The following PDE1C variants were observed in gnomAD, a reference collection of about 807,000 sequenced individuals.
The protein encoded by PDE1C is dual specificity calcium/calmodulin-dependent 3',5'-cyclic nucleotide phosphodiesterase 1C.
Under a neutral mutation model 93.1 loss-of-function variants are expected in PDE1C, and 62 were observed. The ratio of observed to expected loss-of-function variants is 0.67; its 90% CI spans 0.54 to 0.82. The LOEUF (loss-of-function observed/expected upper bound fraction) is 0.82. Ranked by LOEUF, PDE1C falls within the 40% of genes least tolerant of loss-of-function variation. The probability of loss-of-function intolerance (pLI) is 0.00; values close to 1 mark genes in which losing one functional copy is unlikely to be tolerated. For synonymous variants in PDE1C, 325 were observed against 310.1 expected (o/e 1.05, Z -0.50); for missense variants, 742 against 884.6 (o/e 0.84, Z 2.04).
At chr7:32,237,026 C>CA (rs1480597360) in intron 1 of PDE1C, among the ~76,000 whole-genome samples, 6 of 145,148 alleles carry the variant, frequency 4.1e-5, no homozygotes, top group Admixed American at 1.4e-4. Flanking sequence ...TATTCTGAGT[C>CA]AAAAAAAAGT....
At position 31,775,731 on chromosome 7, in the gene PDE1C, G is replaced by T; in HGVS notation, c.1893C>A (p.Gly631=). The change falls in exon 17 of 18, where the codon GGC becomes GGA. Residue 631 remains glycine, a splice_region_variant and synonymous_variant. Coordinates refer to ENST00000396191, the MANE Select transcript of PDE1C (RefSeq NM_001191057.4). The part of the protein sequence containing the change: ...NIGNDSKKTD[G]TKQRSHGSPA... ...GTGAGCCGTGAGAACGCTGTTTTGT[G>T]CCTGTGAAGAGGAAAAAGAGGATAA... 1 of 1,612,568 alleles carries T rather than the reference G, an allele frequency of 6.2e-7. No individual in the cohort carries two copies. The highest frequency in any genetic ancestry group is 8.5e-7 in the Non-Finnish European group (1 of 1,179,590).
Position 31,757,203 on chromosome 7 carries a change from T to G in PDE1C, c.1961-3650A>C, listed in dbSNP as rs558795087. Among the ~76,000 whole-genome samples, 4 of 152,304 alleles carry G rather than the reference T, an allele frequency of 2.6e-5. No individual in the cohort carries two copies. In the South Asian group the frequency reaches 8.3e-4, roughly 32 times the overall value. ...GTGTTAAATGAAAAAGCAGGATATA[T>G]TATCTAACCTCATTACTAGAAAATA... On this transcript the variant is annotated intron_variant, in intron 17 of 17. Coordinates refer to ENST00000396191, the MANE Select transcript of PDE1C (RefSeq NM_001191057.4).
intron 2 of PDE1C, among the ~76,000 whole-genome samples, chr7:32,005,555 CA>C (rs59246166): frequency 7.5e-4 from 38 of 50,760 alleles, no homozygotes; most frequent in South Asian, 3.5e-3. Context: ...GACTCCATTT[CA>C]AAAAAAAAAA....
At chr7:32,255,299 T>A (rs1357928266) in intron 1 of PDE1C, among the ~76,000 whole-genome samples, 1 of 152,076 alleles carries the variant, frequency 6.6e-6, no homozygotes, top group Admixed American at 6.5e-5. Flanking sequence ...CTTCCCTCTC[T>A]CACTGAGAGA....
intron 1 of PDE1C, among the ~76,000 whole-genome samples, chr7:32,396,004 T>C (rs1165564118): frequency 1.3e-5 from 2 of 152,168 alleles, no homozygotes; most frequent in South Asian, 2.1e-4. Flanking sequence ...AATTTAAAAG[T>C]GAACGCAATC....
the PDE1C span, among the ~76,000 whole-genome samples, chr7:31,626,065 A>T: frequency 6.6e-6 from 1 of 152,218 alleles, no homozygotes; most frequent in Non-Finnish European, 1.5e-5. Context: ...TGATTCTAAA[A>T]TCAAAGAACA....
chr7:32,080,155 G>C (rs1005743226), intron 3 of PDE1C, among the ~76,000 whole-genome samples: 2 of 152,080 alleles, frequency 1.3e-5, no homozygotes, highest in Admixed American at 1.3e-4. Context: ...AGGGGAGAGT[G>C]GCCTGTGATG....
the PDE1C span, among the ~76,000 whole-genome samples, chr7:31,718,179 C>A: frequency 1.3e-5 from 2 of 152,028 alleles, no homozygotes; most frequent in Non-Finnish European, 2.9e-5. Flanking sequence ...CATGGTGGGA[C>A]CATAGGAGTC....
chr7:32,104,491 T>G (rs989021174), intron 3 of PDE1C, among the ~76,000 whole-genome samples: 2 of 152,218 alleles, frequency 1.3e-5, no homozygotes, highest in Non-Finnish European at 2.9e-5. Context: ...AGTATCCCTT[T>G]TCTCAGGAAG....
the PDE1C span, among the ~76,000 whole-genome samples, chr7:31,696,281 G>A: frequency 1.3e-5 from 2 of 152,122 alleles, no homozygotes; most frequent in Non-Finnish European, 2.9e-5. Context: ...CACCTTGAGG[G>A]TTGCAAAACA....
chr7:31,805,366 T>C (rs979548949), intron 16 of PDE1C, among the ~76,000 whole-genome samples: 6 of 151,902 alleles, frequency 3.9e-5, no homozygotes, highest in Non-Finnish European at 7.4e-5. Context: ...CAGACCACAG[T>C]TGGCTATGGG....
chr7:32,386,990 G>A (rs979639670), intron 1 of PDE1C, among the ~76,000 whole-genome samples: 4 of 151,078 alleles, frequency 2.6e-5, no homozygotes, highest in Admixed American at 6.6e-5. Context: ...GTGAACAAAG[G>A]TCTCTGGTTT....
intron 2 of PDE1C, among the ~76,000 whole-genome samples, chr7:32,037,147 T>C (rs1791212695): frequency 6.6e-6 from 1 of 152,148 alleles, no homozygotes; most frequent in Non-Finnish European, 1.5e-5. Flanking sequence ...TTTATGGAAG[T>C]TGTAGGAGTC....
intron 1 of PDE1C, among the ~76,000 whole-genome samples, chr7:32,380,423 T>C (rs1177403769): frequency 6.7e-6 from 1 of 149,730 alleles, no homozygotes; most frequent in Admixed American, 6.7e-5. Context: ...TTTTTTTGTA[T>C]TTTTAGTAGA....
At chr7:32,167,610 G>T (rs979033333) in intron 3 of PDE1C, among the ~76,000 whole-genome samples, 1 of 152,102 alleles carries the variant, frequency 6.6e-6, no homozygotes, top group Non-Finnish European at 1.5e-5. Flanking sequence ...ATAAGGCTGG[G>T]GGTCCCTGTG....
At chr7:32,177,964 A>C (rs1480575430) in intron 2 of PDE1C, among the ~76,000 whole-genome samples, 1 of 152,188 alleles carries the variant, frequency 6.6e-6, no homozygotes, top group Non-Finnish European at 1.5e-5. Flanking sequence ...TTGAAGAGGG[A>C]GCATTTATCT....
chr7:31,847,083 C>A (rs1238937061), intron 9 of PDE1C, among the ~76,000 whole-genome samples: 3 of 152,094 alleles, frequency 2.0e-5, no homozygotes, highest in African/African-American at 7.2e-5. Flanking sequence ...TTTAGATGAT[C>A]TCTGCCTGCA....
At chr7:32,253,720 G>A (rs1809564498) in intron 1 of PDE1C, among the ~76,000 whole-genome samples, 1 of 152,196 alleles carries the variant, frequency 6.6e-6, no homozygotes, top group Non-Finnish European at 1.5e-5. Flanking sequence ...ACAGACATGG[G>A]GAGATGATGT....
At chr7:32,314,226 A>G (rs937614355) in intron 1 of PDE1C, among the ~76,000 whole-genome samples, 3 of 152,170 alleles carry the variant, frequency 2.0e-5, no homozygotes, top group African/African-American at 7.2e-5. Flanking sequence ...TAATTTACTG[A>G]GGAGGTGAAA....
Sources: allele counts gnomAD v4.1 joint callset (sites outside exome capture counted in the v4.1 genomes callset), GRCh38; gene constraint gnomAD v4.1.1; transcripts MANE v1.5; gene names NCBI Gene and HGNC (gene_info 2026-07-23, HGNC 2026-07-21).